Variants in DNAJC5B observed in about 807,000 individuals in gnomAD.
DNAJC5B encodes dnaJ homolog subfamily C member 5B.
Under a neutral mutation model 24.7 loss-of-function variants are expected in DNAJC5B, and 23 were observed. The ratio of observed to expected loss-of-function variants is 0.93; its 90% CI spans 0.67 to 1.32. The LOEUF is 1.32. Among genes scored for constraint, DNAJC5B ranks in the 40% most tolerant of loss-of-function variants. The pLI, the probability that DNAJC5B is intolerant of heterozygous loss-of-function variation, is 0.00. For synonymous variants in DNAJC5B, 101 were observed against 90.1 expected (o/e 1.12, Z -0.68); for missense variants, 238 against 240.8 (o/e 0.99, Z 0.08).
intron 5 of DNAJC5B, among the ~76,000 whole-genome samples, chr8:66,097,395 G>A (rs1807977385): frequency 6.6e-6 from 1 of 151,778 alleles, no homozygotes; most frequent in African/African-American, 2.4e-5. Flanking sequence ...CAAGAATTTT[G>A]TAACACGTTA....
At chr8:66,035,838 G>T (rs1392377936) in intron 1 of DNAJC5B, among the ~76,000 whole-genome samples, 7 of 152,188 alleles carry the variant, frequency 4.6e-5, no homozygotes, top group Non-Finnish European at 8.8e-5. Context: ...ACAGCAAAGG[G>T]AAGGTCGACT....
At chr8:66,071,063 A>G (rs1038958203) in intron 3 of DNAJC5B, among the ~76,000 whole-genome samples, 2 of 152,218 alleles carry the variant, frequency 1.3e-5, no homozygotes, top group African/African-American at 4.8e-5. Context: ...AAGATGGATC[A>G]AAGACTTAAA....
intron 1 of DNAJC5B, among the ~76,000 whole-genome samples, chr8:66,029,223 C>A (rs929834990): frequency 6.6e-6 from 1 of 152,096 alleles, no homozygotes; most frequent in Non-Finnish European, 1.5e-5. Flanking sequence ...AAGGAGTGAG[C>A]CAGGTGGGAT....
chr8:66,032,510 A>C (rs1455093243), intron 1 of DNAJC5B, among the ~76,000 whole-genome samples: 1 of 152,086 alleles, frequency 6.6e-6, no homozygotes, highest in South Asian at 2.1e-4. Context: ...CTTGGGAGGG[A>C]GGCAGTGACA....
chr8:66,047,208 C>T (rs180964905), intron 2 of DNAJC5B, among the ~76,000 whole-genome samples: 41 of 152,340 alleles, frequency 2.7e-4, no homozygotes, highest in African/African-American at 8.9e-4. Flanking sequence ...GCTGGATGGG[C>T]TTCTCTCAAG....
At chr8:66,069,299 A>T (rs995192203) in intron 3 of DNAJC5B, among the ~76,000 whole-genome samples, 27 of 152,272 alleles carry the variant, frequency 1.8e-4, no homozygotes, top group African/African-American at 5.8e-4. Flanking sequence ...AAAAACTGAC[A>T]TCATATGGTT....
chr8:66,021,046 T>G (rs1806109465), upstream of DNAJC5B, among the ~76,000 whole-genome samples: 1 of 152,184 alleles, frequency 6.6e-6, no homozygotes, highest in African/African-American at 2.4e-5. Context: ...AATGGTCTGG[T>G]GGCTCAGGAT....
chr8:66,018,142 C>G (rs1238424940), upstream of DNAJC5B, among the ~76,000 whole-genome samples: 2 of 152,182 alleles, frequency 1.3e-5, no homozygotes, highest in Admixed American at 6.5e-5. Flanking sequence ...GGCCTAGGAA[C>G]CTGCTAAAAG....
intron 5 of DNAJC5B, among the ~76,000 whole-genome samples, chr8:66,095,170 C>A (rs768498700): frequency 2.0e-5 from 3 of 151,970 alleles, no homozygotes; most frequent in Admixed American, 6.6e-5. Context: ...TTGTGTAATA[C>A]TGGGATTCTT....
At chr8:66,066,756 C>G (rs1807205625) in intron 3 of DNAJC5B, among the ~76,000 whole-genome samples, 1 of 152,140 alleles carries the variant, frequency 6.6e-6, no homozygotes, top group African/African-American at 2.4e-5. Context: ...GGATAAAAAA[C>G]TACAATGTAT....
intron 5 of DNAJC5B, among the ~76,000 whole-genome samples, chr8:66,081,707 C>A (rs1199594060): frequency 6.6e-6 from 1 of 152,102 alleles, no homozygotes; most frequent in Non-Finnish European, 1.5e-5. Flanking sequence ...GATTCCCAGA[C>A]TCTTTCAGGC....
At chr8:66,098,000 C>T (rs1224617960) in intron 5 of DNAJC5B, among the ~76,000 whole-genome samples, 1 of 151,950 alleles carries the variant, frequency 6.6e-6, no homozygotes, top group Admixed American at 6.6e-5. Context: ...CAGGCACCTG[C>T]CACCAGGCCT....
chr8:66,093,234 TAG>T (rs1209332093), intron 5 of DNAJC5B, among the ~76,000 whole-genome samples: 1 of 152,202 alleles, frequency 6.6e-6, no homozygotes, highest in African/African-American at 2.4e-5. Context: ...GCATGAATGC[TAG>T]AGTTTTTCTA....
Position 66,096,999 on chromosome 8 carries a change from A to G in DNAJC5B, c.506-2938A>G, listed in dbSNP as rs530228081. Among the ~76,000 whole-genome samples the G allele has an allele frequency of 1.9e-4, 29 of 152,254 alleles. 1 individual carries two copies. The South Asian group carries it at 5.8e-3, about 30-fold the overall frequency. ...CCGTGTAACCTTGGCCTAGTTACAC[A>G]GTCTGTGCCCATTTTCTTATTTGTA... is the stretch of plus-strand genomic sequence containing the variant. On this transcript the variant is annotated intron_variant, in intron 5 of 5. Coordinates refer to ENST00000276570, the MANE Select transcript of DNAJC5B (RefSeq NM_033105.6).
At chr8:66,046,311 C>T (rs550009453) in intron 2 of DNAJC5B, among the ~76,000 whole-genome samples, 1 of 152,192 alleles carries the variant, frequency 6.6e-6, no homozygotes, top group Non-Finnish European at 1.5e-5. Context: ...AGGGAAAACA[C>T]TTGCCACCAT....
intron 1 of DNAJC5B, among the ~76,000 whole-genome samples, chr8:66,033,771 T>A (rs954406025): frequency 2.2e-5 from 1 of 45,554 alleles, no homozygotes; most frequent in Non-Finnish European, 3.8e-5. Flanking sequence ...ATCATTCCGC[T>A]TTTTTTTTTT....
chr8:66,085,347 C>T (rs751597902), intron 5 of DNAJC5B, among the ~76,000 whole-genome samples: 3 of 151,864 alleles, frequency 2.0e-5, no homozygotes, highest in East Asian at 1.9e-4. Context: ...GGCTGAGGCA[C>T]GAGAATTGCT....
intron 3 of DNAJC5B, among the ~76,000 whole-genome samples, chr8:66,064,283 C>G (rs1199278683): frequency 1.3e-5 from 2 of 152,134 alleles, no homozygotes; most frequent in Admixed American, 1.3e-4. Context: ...AGACTAGAGA[C>G]ACTGGGAGCC....
At chr8:66,092,347 G>A (rs895604773) in intron 5 of DNAJC5B, among the ~76,000 whole-genome samples, 4 of 152,156 alleles carry the variant, frequency 2.6e-5, no homozygotes, top group Admixed American at 6.5e-5. Flanking sequence ...TAACATCCAC[G>A]AAAAGGGACA....
Sources: allele counts gnomAD v4.1 joint callset (sites outside exome capture counted in the v4.1 genomes callset), GRCh38; gene constraint gnomAD v4.1.1; transcripts MANE v1.5; gene names NCBI Gene and HGNC (gene_info 2026-07-23, HGNC 2026-07-21).